Variants in PTPRD observed in about 807,000 individuals in gnomAD.
PTPRD encodes the protein protein tyrosine phosphatase receptor type D.
A neutral mutation model predicts 214.5 loss-of-function variants in PTPRD; 34 were observed. The observed-to-expected ratio is 0.16, with a 90% CI of 0.12 to 0.21. The LOEUF (loss-of-function observed/expected upper bound fraction) is 0.21. Among genes scored for constraint, PTPRD ranks in the 10% least tolerant of loss-of-function variants. The probability of loss-of-function intolerance (pLI) is 1.00; values close to 1 mark genes in which losing one functional copy is unlikely to be tolerated. For missense variants in PTPRD, 2,545 were observed against 2,398.7 expected, an observed-to-expected ratio of 1.06 and a Z score of -1.27; for synonymous variants, 1,128 against 845.7, an observed-to-expected ratio of 1.33 and a Z score of -5.79.
chr9:10,342,707 C>G (rs964010624), intron 2 of PTPRD, among the ~76,000 whole-genome samples: 1 of 151,996 alleles, frequency 6.6e-6, no homozygotes. Flanking sequence ...CAGCATATAC[C>G]TGTATAACTA....
At chr9:9,549,090 T>G (rs889675082) in intron 8 of PTPRD, among the ~76,000 whole-genome samples, 7 of 152,042 alleles carry the variant, frequency 4.6e-5, no homozygotes, top group African/African-American at 1.7e-4. Flanking sequence ...TTTGCAATCT[T>G]GAAGTAGGCA....
intron 5 of PTPRD, among the ~76,000 whole-genome samples, chr9:9,916,466 AC>A (rs2080842273): frequency 1.3e-5 from 2 of 152,002 alleles, no homozygotes; most frequent in Admixed American, 1.3e-4. Flanking sequence ...ATGTAAATAA[AC>A]TAAATCCCCA....
intron 8 of PTPRD, among the ~76,000 whole-genome samples, chr9:9,573,308 CTTCTTAT>C (rs1186441209): frequency 1.5e-4 from 23 of 151,146 alleles, no homozygotes; most frequent in Admixed American, 3.3e-4. Context: ...AGCAAAGATA[CTTCTTAT>C]GTTCTGTATA....
chr9:8,446,716 T>C (rs2095743421), intron 34 of PTPRD, among the ~76,000 whole-genome samples: 1 of 152,232 alleles, frequency 6.6e-6, no homozygotes, highest in Non-Finnish European at 1.5e-5. Flanking sequence ...AAAAGCCACA[T>C]TTCAGAGAGT....
chr9:8,389,123 A>T, intron 37 of PTPRD, 109 bp downstream of exon 37: 1 of 919,812 alleles, frequency 1.1e-6, no homozygotes, highest in Non-Finnish European at 1.6e-6. Flanking sequence ...AGTATCTGTT[A>T]GAAAGATAAG....
At position 8,929,909 on chromosome 9, in the gene PTPRD, A is replaced by ATG. The variant is rs1174015302; in HGVS notation, c.-104+88786_-104+88787dup. Among the ~76,000 whole-genome samples, 6 of 61,122 alleles carry ATG rather than the reference A, an allele frequency of 9.8e-5. 1 individual carries two copies. The highest frequency in any genetic ancestry group is 1.3e-4 in the African/African-American group (3 of 23,502). The allele number at this position is 61,122 out of a possible 152,430, so 40.1% of individuals were successfully genotyped here. A position where few individuals can be genotyped will look rare whatever the true frequency, so the allele number is the denominator to read the frequency against. Reference sequence around the variant, plus strand: ...TGTGTGTATATATATGTGTATATATATGTGTGTGTATATATATATGTGTAT... The same window carrying ATG: ...TGTGTGTATATATATGTGTATATATATGTGTGTGTGTATATATATATGTGTAT... On this transcript the variant is annotated intron_variant, in intron 11 of 45. Coordinates refer to ENST00000381196, the MANE Select transcript of PTPRD (RefSeq NM_002839.4).
intron 10 of PTPRD, among the ~76,000 whole-genome samples, chr9:9,027,535 G>A (rs2099591357): frequency 6.6e-6 from 1 of 151,902 alleles, no homozygotes; most frequent in African/African-American, 2.4e-5. Context: ...AATATTAAGT[G>A]TTGATGTGGG....
chr9:10,449,096 G>A (rs1351221808), intron 2 of PTPRD, among the ~76,000 whole-genome samples: 1 of 151,986 alleles, frequency 6.6e-6, no homozygotes, highest in Non-Finnish European at 1.5e-5. Context: ...CCCAGCCGAG[G>A]CTGGACTGTA....
chr9:9,176,314 T>C (rs931489077), intron 10 of PTPRD, among the ~76,000 whole-genome samples: 10 of 152,340 alleles, frequency 6.6e-5, no homozygotes, highest in African/African-American at 2.2e-4. Context: ...TAATCATTGA[T>C]GATTTGACCA....
At chr9:9,387,585 T>A (rs1313300123) in intron 9 of PTPRD, among the ~76,000 whole-genome samples, 1 of 152,182 alleles carries the variant, frequency 6.6e-6, no homozygotes, top group Non-Finnish European at 1.5e-5. Flanking sequence ...TCTAGAAATA[T>A]CACATATCTT....
At chr9:8,626,249 ATGAC>A in intron 14 of PTPRD, among the ~76,000 whole-genome samples, 1 of 151,998 alleles carries the variant, frequency 6.6e-6, no homozygotes, top group Admixed American at 6.6e-5. Context: ...TTATGTATGA[ATGAC>A]TGTTTGATAG....
intron 2 of PTPRD, among the ~76,000 whole-genome samples, chr9:10,522,244 C>T (rs778200067): frequency 1.3e-5 from 2 of 152,100 alleles, no homozygotes; most frequent in Admixed American, 1.3e-4. Context: ...TCTTTGTAAA[C>T]TAATGCCAGG....
intron 4 of PTPRD, among the ~76,000 whole-genome samples, chr9:10,027,281 A>G (rs1019960683): frequency 6.6e-6 from 1 of 152,236 alleles, no homozygotes; most frequent in Non-Finnish European, 1.5e-5. Context: ...GGAACTTTTC[A>G]TCATGTTGTT....
intron 9 of PTPRD, among the ~76,000 whole-genome samples, chr9:9,244,665 C>T (rs887848497): frequency 6.6e-6 from 1 of 152,072 alleles, no homozygotes; most frequent in Non-Finnish European, 1.5e-5. Context: ...AAATGTTAGA[C>T]CAAAAACCAT....
intron 10 of PTPRD, among the ~76,000 whole-genome samples, chr9:9,116,474 G>A (rs2099812451): frequency 1.3e-5 from 2 of 151,968 alleles, no homozygotes; most frequent in South Asian, 4.2e-4. Flanking sequence ...AAGTGGGGAG[G>A]GTAGGAGGGG....
chr9:10,249,612 T>C (rs185966932), intron 3 of PTPRD, among the ~76,000 whole-genome samples: 2 of 152,292 alleles, frequency 1.3e-5, no homozygotes, highest in Non-Finnish European at 2.9e-5. Flanking sequence ...TTAGAAATCA[T>C]TTCTTTTAAA....
chr9:9,353,933 T>C (rs1372351955), intron 9 of PTPRD, among the ~76,000 whole-genome samples: 1 of 151,902 alleles, frequency 6.6e-6, no homozygotes, highest in African/African-American at 2.4e-5. Context: ...CCAAGTTCTT[T>C]CAGGTTATTG....
At chr9:9,904,956 A>G (rs2153815805) in intron 5 of PTPRD, among the ~76,000 whole-genome samples, 1 of 152,144 alleles carries the variant, frequency 6.6e-6, no homozygotes, top group Admixed American at 6.6e-5. Context: ...AAAGAACAAC[A>G]TGCATAAACA....
chr9:10,001,599 G>A (rs974972872), intron 4 of PTPRD, among the ~76,000 whole-genome samples: 3 of 152,068 alleles, frequency 2.0e-5, no homozygotes, highest in Non-Finnish European at 4.4e-5. Flanking sequence ...ATGGAATAAC[G>A]TATTCAAAGC....
Sources: gnomAD v4.1 joint callset for allele counts (sites outside exome capture counted in the v4.1 genomes callset) on GRCh38, gnomAD v4.1.1 for gene constraint, MANE v1.5 for transcripts, NCBI Gene and HGNC (gene_info 2026-07-23, HGNC 2026-07-21) for gene names.